CCBE1: variants seen among roughly 807,000 people sequenced by gnomAD.
CCBE1 encodes the protein collagen and calcium-binding EGF domain-containing protein 1.
CCBE1 carries 37 observed loss-of-function variants against 50.0 expected under a neutral mutation model. The ratio of observed to expected loss-of-function variants is 0.74; its 90% CI spans 0.57 to 0.97. The LOEUF is 0.97. Among genes scored for constraint, CCBE1 ranks in the 50% least tolerant of loss-of-function variants. The pLI, the probability that CCBE1 is intolerant of heterozygous loss-of-function variation, is 0.00. For synonymous variants in CCBE1, 234 were observed against 203.7 expected (o/e 1.15, Z -1.27); for missense variants, 538 against 523.8 (o/e 1.03, Z -0.26).
intron 2 of CCBE1, among the ~76,000 whole-genome samples, chr18:59,640,511 C>T (rs532858651): frequency 6.6e-6 from 1 of 152,156 alleles, no homozygotes; most frequent in Admixed American, 6.5e-5. Context: ...AACATAATGC[C>T]CAAGACTATA....
chr18:59,518,129 A>C (rs1429621413), intron 2 of CCBE1, among the ~76,000 whole-genome samples: 1 of 152,098 alleles, frequency 6.6e-6, no homozygotes. Flanking sequence ...CTTTGTTTCC[A>C]CCCCCATAGC....
intron 3 of CCBE1, among the ~76,000 whole-genome samples, chr18:59,477,899 G>A (rs1462063604): frequency 6.6e-6 from 1 of 152,132 alleles, no homozygotes; most frequent in Non-Finnish European, 1.5e-5. Flanking sequence ...ATAATTTTTT[G>A]TGACACCTTG....
chr18:59,613,310 A>AT (rs1054956281), intron 2 of CCBE1, among the ~76,000 whole-genome samples: 7 of 152,084 alleles, frequency 4.6e-5, no homozygotes, highest in East Asian at 3.9e-4. Context: ...TGTCAGTGTG[A>AT]TTTTTTTTGT....
chr18:59,521,676 T>A (rs549252315), intron 2 of CCBE1, among the ~76,000 whole-genome samples: 1 of 152,220 alleles, frequency 6.6e-6, no homozygotes, highest in Non-Finnish European at 1.5e-5. Flanking sequence ...GATATCGCCA[T>A]TGGCCTTTTC....
intron 2 of CCBE1, among the ~76,000 whole-genome samples, chr18:59,685,585 C>T (rs2054643834): frequency 6.6e-6 from 1 of 152,224 alleles, no homozygotes; most frequent in Non-Finnish European, 1.5e-5. Flanking sequence ...ACTGGAATCA[C>T]ATGAGGAGCT....
At chr18:59,492,329 C>T (rs927215967) in intron 2 of CCBE1, among the ~76,000 whole-genome samples, 3 of 151,974 alleles carry the variant, frequency 2.0e-5, no homozygotes, top group Admixed American at 6.6e-5. Context: ...TTTCCCATAT[C>T]TGCTATTCCC....
Position 59,448,092 on chromosome 18 carries a change from G to C in CCBE1, c.666C>G (p.Leu222=), listed in dbSNP as rs535581741. Residue 222 remains leucine (L), a synonymous_variant, in exon 7 of 11, where the codon CTC becomes CTG. Transcript: ENST00000439986. ...TGCCCAGGTCAGCTGCATTGTTGGG[G>C]AGCAGAGCAATCTGCAAGGAGAAGA... The part of the protein sequence containing the change: ...VLQLKQKIAL[L]PNNAADLGKY... 6.2e-7 allele frequency: 1 copy of C among 1,614,070 alleles called. No individual in the cohort carries two copies. Among genetic ancestry groups the C allele is most frequent in the Admixed American group, 1.7e-5 (1 of 60,014 alleles).
At position 59,439,539 on chromosome 18, in the gene CCBE1, T is replaced by A; in HGVS notation, c.951+4A>T. ...AGCTTGTGAGGACCACTCATAAGGC[T>A]TACCTTAGAACCATCTCTTCCTGGT... On this transcript the variant is annotated splice_donor_region_variant and intron_variant, in intron 9 of 10. Transcript: ENST00000439986. 6.2e-7 allele frequency: 1 copy of A among 1,614,232 alleles called. No individual in the cohort carries two copies. The highest frequency in any genetic ancestry group is 8.5e-7 in the Non-Finnish European group (1 of 1,180,016).
chr18:59,465,132 G>A (rs1911680503), intron 5 of CCBE1, among the ~76,000 whole-genome samples: 1 of 152,180 alleles, frequency 6.6e-6, no homozygotes, highest in African/African-American at 2.4e-5. Flanking sequence ...ATTGTCAATG[G>A]AGTCCATTTT....
rs528722749 is a variant in CCBE1, at chr18:59,435,192, C to T, written c.*716G>A. The T allele has an allele frequency of 3.3e-5, 5 of 152,380 alleles. No individual in the cohort carries two copies. The highest frequency in any genetic ancestry group is 1.2e-4 in the African/African-American group (5 of 41,562). The allele number at this position is 152,380 out of a possible 1,614,324, so 9.4% of individuals were successfully genotyped here. A position where few individuals can be genotyped will look rare whatever the true frequency, so the allele number is the denominator to read the frequency against. The stretch of plus-strand genomic sequence containing the variant: ...TCTTCTTCCCTAAATAGGATACTTA[C>T]AGATAAGCATGGCATGAAACCTTAA... On this transcript the variant is annotated 3_prime_UTR_variant, in exon 11 of 11. Coordinates refer to ENST00000439986, the MANE Select transcript of CCBE1 (RefSeq NM_133459.4).
chr18:59,535,159 T>C (rs1034591209), intron 2 of CCBE1, among the ~76,000 whole-genome samples: 9 of 152,196 alleles, frequency 5.9e-5, no homozygotes, highest in African/African-American at 1.2e-4. Flanking sequence ...TCAGCAGTAA[T>C]GAGATTGACA....
intron 2 of CCBE1, among the ~76,000 whole-genome samples, chr18:59,615,738 C>G (rs754888598): frequency 3.9e-5 from 6 of 152,104 alleles, no homozygotes; most frequent in Non-Finnish European, 8.8e-5. Flanking sequence ...ACTAATCCCC[C>G]CTACTCCCAG....
intron 2 of CCBE1, among the ~76,000 whole-genome samples, chr18:59,493,335 C>T (rs976185889): frequency 2.6e-5 from 4 of 152,050 alleles, no homozygotes; most frequent in African/African-American, 7.2e-5. Flanking sequence ...CATGTAACAC[C>T]GAAAGTAGGA....
intron 2 of CCBE1, among the ~76,000 whole-genome samples, chr18:59,565,279 G>A (rs916663835): frequency 2.0e-5 from 2 of 101,362 alleles, no homozygotes; most frequent in Non-Finnish European, 3.7e-5. Flanking sequence ...GGCTGTCAGA[G>A]TTCTAGGAAG....
chr18:59,645,793 A>T (rs1295680538), intron 2 of CCBE1, among the ~76,000 whole-genome samples: 1 of 152,188 alleles, frequency 6.6e-6, no homozygotes, highest in Non-Finnish European at 1.5e-5. Context: ...GCACTTTGGG[A>T]GGCCAAGGTG....
At chr18:59,522,795 C>T (rs1413491015) in intron 2 of CCBE1, among the ~76,000 whole-genome samples, 2 of 152,072 alleles carry the variant, frequency 1.3e-5, no homozygotes, top group African/African-American at 2.4e-5. Flanking sequence ...CAAGACCATC[C>T]TGGCTAATAT....
chr18:59,598,621 T>C (rs2053388616), intron 2 of CCBE1, among the ~76,000 whole-genome samples: 1 of 152,058 alleles, frequency 6.6e-6, no homozygotes, highest in Non-Finnish European at 1.5e-5. Context: ...CTTTGAAGAG[T>C]CACTGCTTCC....
At chr18:59,468,226 A>G (rs1010180960) in intron 4 of CCBE1, among the ~76,000 whole-genome samples, 1 of 152,132 alleles carries the variant, frequency 6.6e-6, no homozygotes, top group East Asian at 1.9e-4. Context: ...TCTATAAAAT[A>G]CGAACAAAAT....
chr18:59,520,616 G>T (rs138550067), intron 2 of CCBE1, among the ~76,000 whole-genome samples: 208 of 152,336 alleles, frequency 1.4e-3, no homozygotes, highest in African/African-American at 4.8e-3. Context: ...ATGTGCGCCT[G>T]CACACACACA....
Sources: allele counts gnomAD v4.1 joint callset (sites outside exome capture counted in the v4.1 genomes callset), GRCh38; gene constraint gnomAD v4.1.1; transcripts MANE v1.5; gene names NCBI Gene and HGNC (gene_info 2026-07-23, HGNC 2026-07-21).